SAMD8: variants seen among roughly 807,000 people sequenced by gnomAD.
The protein encoded by SAMD8 is sphingomyelin synthase-related protein 1.
SAMD8 carries 20 observed loss-of-function variants against 42.0 expected under a neutral mutation model. The ratio of observed to expected loss-of-function variants is 0.48; its 90% CI spans 0.34 to 0.69. The LOEUF (loss-of-function observed/expected upper bound fraction) is 0.69. Ranked by LOEUF, SAMD8 falls within the 30% of genes least tolerant of loss-of-function variation. SAMD8 has a pLI of 0.01. For synonymous variants in SAMD8, 162 were observed against 173.0 expected, an observed-to-expected ratio of 0.94 and a Z score of 0.50; for missense variants, 328 against 511.6, an observed-to-expected ratio of 0.64 and a Z score of 3.46.
At chr10:75,174,519 A>T (rs1348883143) in intron 4 of SAMD8, among the ~76,000 whole-genome samples, 1 of 135,668 alleles carries the variant, frequency 7.4e-6, no homozygotes, top group Non-Finnish European at 1.5e-5. Context: ...ACCACAACCT[A>T]CCCCTCCCGG....
At chr10:75,165,446 G>A (rs910605963) in intron 3 of SAMD8, among the ~76,000 whole-genome samples, 2 of 151,936 alleles carry the variant, frequency 1.3e-5, no homozygotes, top group Non-Finnish European at 2.9e-5. Context: ...CAAGGCAGGC[G>A]GATCACGAGG....
chr10:75,130,487 C>G (rs895452094), intron 1 of SAMD8, among the ~76,000 whole-genome samples: 40 of 152,072 alleles, frequency 2.6e-4, no homozygotes, highest in African/African-American at 9.7e-4. Flanking sequence ...GCCTGGGCAA[C>G]AAGAGCGAAA....
intron 1 of SAMD8, among the ~76,000 whole-genome samples, chr10:75,138,823 G>A (rs1023197687): frequency 6.6e-6 from 1 of 152,152 alleles, no homozygotes; most frequent in African/African-American, 2.4e-5. Flanking sequence ...GTTCAGAACA[G>A]TCCGGTGTTT....
chr10:75,123,162 TCACCCCACCCCACCCCACCC>T (rs60218062), intron 1 of SAMD8, among the ~76,000 whole-genome samples: 16,210 of 99,732 alleles, frequency 0.16, 1,215 homozygotes, highest in Middle Eastern at 0.23. Context: ...CCACCCCACC[TCACCCCACCCCACCCCACCC>T]CACCCCACCC....
upstream of SAMD8, chr10:75,111,333 C>G (rs1461048047): frequency 7.3e-5 from 30 of 410,214 alleles, no homozygotes; most frequent in Non-Finnish European, 1.1e-4. Context: ...CCTCCTGTCG[C>G]TTTGGCCTCC....
At chr10:75,161,172 A>G (rs1318314762) in intron 2 of SAMD8, among the ~76,000 whole-genome samples, 1 of 152,192 alleles carries the variant, frequency 6.6e-6, no homozygotes, top group Non-Finnish European at 1.5e-5. Context: ...ACTTAGGGAT[A>G]CCGTGTCCAG....
At chr10:75,127,207 C>A (rs999741093) in intron 1 of SAMD8, among the ~76,000 whole-genome samples, 20 of 143,752 alleles carry the variant, frequency 1.4e-4, no homozygotes, top group South Asian at 6.6e-4. Context: ...AAAAAAAAAT[C>A]TTTGTTATGT....
chr10:75,172,522 G>C (rs1260968882), intron 4 of SAMD8, among the ~76,000 whole-genome samples: 2 of 151,388 alleles, frequency 1.3e-5, no homozygotes, highest in Admixed American at 1.3e-4. Flanking sequence ...TTTTTAGACG[G>C]AGTCTTTCTC....
chr10:75,153,171 G>A (rs181774894), intron 2 of SAMD8, among the ~76,000 whole-genome samples: 159 of 151,974 alleles, frequency 1.0e-3, no homozygotes, highest in African/African-American at 3.7e-3. Context: ...TAGTAGAGAC[G>A]AGGTTTCACA....
chr10:75,171,039 G>A (rs558188570), intron 4 of SAMD8, among the ~76,000 whole-genome samples: 8 of 151,714 alleles, frequency 5.3e-5, no homozygotes, highest in African/African-American at 1.7e-4. Context: ...GGGATTACAG[G>A]TGTGAGCCAC....
At chr10:75,108,950 G>C (rs562458173), upstream of SAMD8, 266 of 1,537,554 alleles carry the variant, frequency 1.7e-4, 1 homozygote, top group African/African-American at 2.5e-3. Flanking sequence ...CTGGTAAAGC[G>C]ACCAAGAACT....
At chr10:75,135,908 CATTT>C (rs748812728) in intron 1 of SAMD8, among the ~76,000 whole-genome samples, 17 of 151,434 alleles carry the variant, frequency 1.1e-4, no homozygotes, top group Non-Finnish European at 2.5e-4. Context: ...TTTTTTTGCA[CATTT>C]ATTTAATAAA....
chr10:75,127,380 C>T lies in SAMD8; in HGVS notation c.-16+15658C>T, dbSNP rs533225792. ...TTAAAATGAGATTGCCTAGGTTGAA[C>T]AGTTCTCTGTACTACTTGCTAGTAC... is the stretch of plus-strand genomic sequence containing the variant. On this transcript the variant is annotated intron_variant, in intron 1 of 5. Transcript: ENST00000542569. Among the ~76,000 whole-genome samples, 3 of 152,240 alleles carry T rather than the reference C, an allele frequency of 2.0e-5. No individual in the cohort carries two copies. In the South Asian group the frequency reaches 6.2e-4, roughly 32 times the overall value.
intron 1 of SAMD8, among the ~76,000 whole-genome samples, chr10:75,132,753 C>CCAAAG (rs1394550007): frequency 6.6e-6 from 1 of 151,824 alleles, no homozygotes; most frequent in African/African-American, 2.4e-5. Flanking sequence ...CTTTGAGAGG[C>CCAAAG]CAAAGCAGGA....
At chr10:75,135,791 A>G (rs770026175) in intron 1 of SAMD8, among the ~76,000 whole-genome samples, 3 of 151,984 alleles carry the variant, frequency 2.0e-5, no homozygotes, top group Admixed American at 1.3e-4. Flanking sequence ...GCGCCACTAC[A>G]CTTCAGCCTG....
rs544944789 is a variant in SAMD8, at chr10:75,115,276, A to G, written c.-16+3554A>G. Among the ~76,000 whole-genome samples, 8 of 152,180 alleles carry G rather than the reference A, an allele frequency of 5.3e-5. 1 individual carries two copies. Among genetic ancestry groups the G allele is most frequent in the Admixed American group, 2.6e-4 (4 of 15,278 alleles). ...GTATGATGTAACACATTGAGGGGTT[A>G]ATAGTAGGGCAAGAACAGAGAAAGC... On this transcript the variant is annotated intron_variant, in intron 1 of 5. Coordinates refer to ENST00000542569, the MANE Select transcript of SAMD8 (RefSeq NM_001174156.2).
intron 1 of SAMD8, among the ~76,000 whole-genome samples, chr10:75,124,809 CTT>C (rs199513847): frequency 6.2e-5 from 9 of 145,038 alleles, no homozygotes; most frequent in Admixed American, 4.1e-4. Flanking sequence ...TTCTTTTTTT[CTT>C]TTTTTTTTTT....
chr10:75,099,905 G>A (rs1015015238), intron 1 of SAMD8, among the ~76,000 whole-genome samples: 1 of 152,164 alleles, frequency 6.6e-6, no homozygotes, highest in Non-Finnish European at 1.5e-5. Context: ...CCGAGAATGA[G>A]AGAGGAGTGT....
At chr10:75,150,095 C>CATAT (rs772610432) in intron 1 of SAMD8, among the ~76,000 whole-genome samples, 9 of 146,880 alleles carry the variant, frequency 6.1e-5, no homozygotes, top group African/African-American at 2.0e-4. Context: ...TCTCTCTCTA[C>CATAT]ATATATATAT....
Sources: allele counts gnomAD v4.1 joint callset (sites outside exome capture counted in the v4.1 genomes callset), GRCh38; gene constraint gnomAD v4.1.1; transcripts MANE v1.5; gene names NCBI Gene and HGNC (gene_info 2026-07-23, HGNC 2026-07-21).